The following SYTL3 variants were observed in gnomAD, a reference collection of about 807,000 sequenced individuals.
The protein encoded by SYTL3 is synaptotagmin-like protein 3.
Under a neutral mutation model 82.1 loss-of-function variants are expected in SYTL3, and 88 were observed. The ratio of observed to expected loss-of-function variants is 1.07; its 90% confidence interval spans 0.90 to 1.28. The LOEUF (loss-of-function observed/expected upper bound fraction) is 1.28, where lower values mean the gene tolerates loss of function less well. SYTL3 is among the 50% of genes most tolerant of loss of function. The pLI is 0.00. For synonymous variants in SYTL3, 311 were observed against 289.4 expected, an observed-to-expected ratio of 1.07 and a Z score of -0.76; for missense variants, 831 against 757.6, an observed-to-expected ratio of 1.10 and a Z score of -1.14.
Position 158,756,717 on chromosome 6 carries a change from AAATTTTTTTTTT to A in SYTL3, c.1138-493_1138-482del, listed in dbSNP as rs1223462736. ...CAGAGCGAGATCCTGTCTCAAAAAA[AAATTTTTTTTTT>A]TTTTTTTTTTTTTTTTTTTAGTATT... is the stretch of plus-strand genomic sequence containing the variant. On this transcript the variant is annotated intron_variant, in intron 13 of 17. Transcript: ENST00000611299. Among the ~76,000 whole-genome samples the A allele has an allele frequency of 1.9e-4, 10 of 53,210 alleles. No homozygotes were observed. The Admixed American group carries it at 2.4e-3, about 13-fold the overall frequency. The allele number at this position is 53,210 out of a possible 152,430, so 34.9% of individuals were successfully genotyped here.
Position 158,718,076 on chromosome 6 carries a change from T to C in SYTL3, c.596-11T>C. On this transcript the variant is annotated splice_polypyrimidine_tract_variant and intron_variant, in intron 9 of 17. Coordinates refer to ENST00000611299, the MANE Select transcript of SYTL3 (RefSeq NM_001242394.2). The stretch of plus-strand genomic sequence containing the variant: ...TGTTCCCACCCATCAACCCTTGTGT[T>C]TGCCTTTTAGAGCTCTCCAAATCCC... 1 of 1,517,606 alleles carries C rather than the reference T, an allele frequency of 6.6e-7. No individual in the cohort carries two copies. Among genetic ancestry groups the C allele is most frequent in the Non-Finnish European group, 8.8e-7 (1 of 1,130,954 alleles). The allele number at this position is 1,517,606 out of a possible 1,614,324, so 94.0% of individuals were successfully genotyped here. A position where few individuals can be genotyped will look rare whatever the true frequency, so the allele number is the denominator to read the frequency against.
intron 10 of SYTL3, among the ~76,000 whole-genome samples, chr6:158,723,819 G>C (rs527857775): frequency 6.6e-6 from 1 of 152,152 alleles, no homozygotes; most frequent in Admixed American, 6.5e-5. Context: ...CCAGCCTCTG[G>C]CTCCTCCGCT....
chr6:158,739,580 C>G (rs1488662819), intron 11 of SYTL3, among the ~76,000 whole-genome samples: 1 of 151,974 alleles, frequency 6.6e-6, no homozygotes, highest in Admixed American at 6.6e-5. Flanking sequence ...ATCTCTCTCT[C>G]TCTGTCTCTT....
rs866285444 is a variant in SYTL3 at position 158,651,512 on chromosome 6, C to A, written c.-726-241C>A. 2.6e-5 allele frequency among the ~76,000 whole-genome samples: 4 copies of A among 152,084 alleles called. No homozygotes were observed. In the South Asian group the frequency reaches 8.3e-4, roughly 32 times the overall value. ...CTGAGGCAGGGGAATTGCTTGAACC[C>A]GGGAGGTGGAGGTTGCAGTGAGCTG... On this transcript the variant is annotated intron_variant, in intron 1 of 17. Coordinates refer to ENST00000611299, the MANE Select transcript of SYTL3 (RefSeq NM_001242394.2).
chr6:158,726,867 T>G (rs190555136), intron 11 of SYTL3: 12,746 of 150,268 alleles, frequency 0.085, 453 homozygotes, highest in African/African-American at 0.16. Context: ...TTTTTTTTTT[T>G]GAGACAGAGT....
chr6:158,677,906 T>A (rs1388465093), intron 5 of SYTL3, among the ~76,000 whole-genome samples: 1 of 152,120 alleles, frequency 6.6e-6, no homozygotes, highest in Non-Finnish European at 1.5e-5. Context: ...TTAATTTTAT[T>A]TGAGAGACGG....
intron 6 of SYTL3, among the ~76,000 whole-genome samples, chr6:158,700,665 G>A (rs1206714577): frequency 6.6e-6 from 1 of 152,162 alleles, no homozygotes; most frequent in South Asian, 2.1e-4. Flanking sequence ...CGCCCAGGCT[G>A]GAGTGCAGTG....
At chr6:158,710,874 G>A (rs1043461004) in intron 8 of SYTL3, among the ~76,000 whole-genome samples, 22 of 151,316 alleles carry the variant, frequency 1.5e-4, no homozygotes, top group African/African-American at 5.3e-4. Flanking sequence ...TCCACCTCCC[G>A]GGTTCAAGCG....
chr6:158,716,062 C>T (rs1783387209), intron 9 of SYTL3, among the ~76,000 whole-genome samples: 1 of 152,156 alleles, frequency 6.6e-6, no homozygotes, highest in African/African-American at 2.4e-5. Flanking sequence ...AGAATTACAA[C>T]CTCTAGCTGC....
chr6:158,756,702 T>G (rs1789120832), intron 13 of SYTL3, among the ~76,000 whole-genome samples: 1 of 133,354 alleles, frequency 7.5e-6, no homozygotes. Flanking sequence ...CAGAGCGAGA[T>G]CCTGTCTCAA....
chr6:158,675,414 G>C (rs1266283351), intron 5 of SYTL3, among the ~76,000 whole-genome samples: 1 of 152,190 alleles, frequency 6.6e-6, no homozygotes, highest in Admixed American at 6.5e-5. Flanking sequence ...CAATCACAAT[G>C]ATCAGTCTTT....
chr6:158,764,692 T>A lies in SYTL3; in HGVS notation c.*88T>A. ...TACGAACCAGGTGCAGGGTCCCAGC[T>A]GGAGACCCCTTTGACCTTGAGCAGT... On this transcript the variant is annotated 3_prime_UTR_variant, in exon 18 of 18. Coordinates refer to ENST00000611299, the MANE Select transcript of SYTL3 (RefSeq NM_001242394.2). The A allele has an allele frequency of 1.1e-6, 1 of 919,388 alleles. No individual in the cohort carries two copies. Among genetic ancestry groups the A allele is most frequent in the Non-Finnish European group, 1.8e-6 (1 of 562,442 alleles). The allele number at this position is 919,388 out of a possible 1,614,324, so 57.0% of individuals were successfully genotyped here. A position where few individuals can be genotyped will look rare whatever the true frequency, so the allele number is the denominator to read the frequency against.
intron 16 of SYTL3, among the ~76,000 whole-genome samples, 171 bp downstream of exon 16, chr6:158,762,349 G>A (rs1218906813): frequency 1.3e-5 from 2 of 151,976 alleles, no homozygotes; most frequent in Admixed American, 1.3e-4. Flanking sequence ...AAAAATTCAC[G>A]GGATGTGTAC....
At chr6:158,757,861 G>T (rs1292970174) in intron 14 of SYTL3, among the ~76,000 whole-genome samples, 2 of 152,246 alleles carry the variant, frequency 1.3e-5, no homozygotes, top group Non-Finnish European at 2.9e-5. Context: ...TGTGAGGAAG[G>T]CAGAGGCCGC....
rs143398999 is a variant in SYTL3, at chr6:158,764,591, T to G, written c.1820T>G (p.Leu607Arg). 1.2e-6 allele frequency: 2 copies of G among 1,612,732 alleles called. No homozygotes were observed. Among genetic ancestry groups the G allele is most frequent in the Admixed American group, 3.3e-5 (2 of 60,022 alleles). Residue 607 changes from leucine (L) to arginine (R), a missense_variant, in exon 18 of 18, where the codon CTT becomes CGT. Physicochemically the swap from Leu to Arg is moderately radical, Grantham distance 102. Transcript: ENST00000611299. Reference sequence around the variant, plus strand: ...CCCAATCTATGGACAGACATGACTCTTGTCCTGCACTGACATGAAGGCCTC... The same window carrying G: ...CCCAATCTATGGACAGACATGACTCGTGTCCTGCACTGACATGAAGGCCTC... ...SSPNLWTDMTLVLH is the reference protein window; with the variant it reads ...SSPNLWTDMTRVLH
chr6:158,692,900 G>A (rs1411598010), intron 6 of SYTL3, among the ~76,000 whole-genome samples: 1 of 151,718 alleles, frequency 6.6e-6, no homozygotes, highest in Non-Finnish European at 1.5e-5. Context: ...GCAGTAAGCC[G>A]AGATCGTGCC....
Position 158,662,986 on chromosome 6 carries a change from G to A in SYTL3, c.-283G>A. On this transcript the variant is annotated 5_prime_UTR_variant, in exon 4 of 18. Coordinates refer to ENST00000611299, the MANE Select transcript of SYTL3 (RefSeq NM_001242394.2). ...CTTTTGTCTTAGATGGATGTCAGCA[G>A]CTGCTGCAGAACCCGGTGAAAACAC... 1 of 305,474 alleles carries A rather than the reference G, an allele frequency of 3.3e-6. No individual in the cohort carries two copies. Among genetic ancestry groups the A allele is most frequent in the Non-Finnish European group, 6.1e-6 (1 of 164,636 alleles). 18.9% of individuals were successfully genotyped at this position (305,474 alleles called of 1,614,324 possible).
chr6:158,700,181 G>A (rs969124614), intron 6 of SYTL3, among the ~76,000 whole-genome samples: 19 of 152,118 alleles, frequency 1.2e-4, no homozygotes, highest in African/African-American at 4.6e-4. Flanking sequence ...GCTTGAACCC[G>A]GGAGGCAGAG....
At chr6:158,706,840 A>G (rs2128453730) in intron 6 of SYTL3, among the ~76,000 whole-genome samples, 1 of 152,346 alleles carries the variant, frequency 6.6e-6, no homozygotes, top group Middle Eastern at 3.4e-3. Context: ...ACAGGAATAG[A>G]TTCATTCCAT....
Sources: gnomAD v4.1 joint callset for allele counts (sites outside exome capture counted in the v4.1 genomes callset) on GRCh38, gnomAD v4.1.1 for gene constraint, MANE v1.5 for transcripts, NCBI Gene and HGNC (gene_info 2026-07-23, HGNC 2026-07-21) for gene names.